Variants in ZNF532 observed in about 807,000 individuals in gnomAD.
The protein encoded by ZNF532 is zinc finger protein 532.
A neutral mutation model predicts 89.3 loss-of-function variants in ZNF532; 22 were observed. The observed-to-expected ratio is 0.25, with a 90% CI of 0.18 to 0.35. ZNF532 has a LOEUF of 0.35. Among genes scored for constraint, ZNF532 ranks in the 10% least tolerant of loss-of-function variants. ZNF532 has a pLI of 1.00. For missense variants in ZNF532, 1,132 were observed against 1,643.4 expected (o/e 0.69, Z 5.38); for synonymous variants, 606 against 649.6 (o/e 0.93, Z 1.02).
At chr18:58,955,192 G>T (rs971777337) in intron 7 of ZNF532, among the ~76,000 whole-genome samples, 2 of 152,192 alleles carry the variant, frequency 1.3e-5, no homozygotes, top group African/African-American at 4.8e-5. Flanking sequence ...AGGAGTTCCA[G>T]GGTGCAGTGA....
chr18:58,944,233 G>A (rs1207360030), intron 5 of ZNF532, among the ~76,000 whole-genome samples: 2 of 152,150 alleles, frequency 1.3e-5, no homozygotes, highest in Non-Finnish European at 2.9e-5. Context: ...TTATTTATTT[G>A]TTGTGACACC....
chr18:58,895,910 G>A (rs1275533359), intron 2 of ZNF532, among the ~76,000 whole-genome samples: 1 of 151,544 alleles, frequency 6.6e-6, no homozygotes, highest in Non-Finnish European at 1.5e-5. Flanking sequence ...TACTGCAGTG[G>A]CATGATCATA....
Position 58,938,594 on chromosome 18 carries a change from C to T in ZNF532, c.2529-851C>T, listed in dbSNP as rs373396926. On this transcript the variant is annotated intron_variant, in intron 4 of 9. Coordinates refer to ENST00000591808, the MANE Select transcript of ZNF532 (RefSeq NM_001375912.1). ...AATTTATTTTCTAGGAGACAAAACACCTAGGTGGTTGACCTTCTCTATCCT... is the reference window on the plus strand; with the variant it reads ...AATTTATTTTCTAGGAGACAAAACATCTAGGTGGTTGACCTTCTCTATCCT... Among the ~76,000 whole-genome samples, 19 of 152,316 alleles carry T rather than the reference C, an allele frequency of 1.2e-4. No individual in the cohort carries two copies. In the South Asian group the frequency reaches 3.9e-3, roughly 32 times the overall value.
At chr18:58,947,461 G>A (rs543170201) in intron 5 of ZNF532, among the ~76,000 whole-genome samples, 2 of 152,300 alleles carry the variant, frequency 1.3e-5, no homozygotes, top group South Asian at 2.1e-4. Flanking sequence ...CATTTAAAGC[G>A]TAAGAAACAT....
Position 58,956,513 on chromosome 18 carries a change from C to A in ZNF532, c.3150+2714C>A, listed in dbSNP as rs75391742. 5.1e-3 allele frequency among the ~76,000 whole-genome samples: 773 copies of A among 152,286 alleles called. 7 individuals are homozygous for A. Among genetic ancestry groups the A allele is most frequent in the African/African-American group, 0.017 (703 of 41,568 alleles). ...GCACCCACTTCCAAACACCCCTCTA[C>A]AAGCATCTTATATCTATCTCCATTC... On this transcript the variant is annotated intron_variant, in intron 7 of 9. Coordinates refer to ENST00000591808, the MANE Select transcript of ZNF532 (RefSeq NM_001375912.1).
intron 6 of ZNF532, 106 bp downstream of exon 6, chr18:58,948,335 G>A: frequency 7.7e-6 from 9 of 1,165,192 alleles, no homozygotes; most frequent in Non-Finnish European, 9.7e-6. Context: ...CACTGTCGAG[G>A]GAAGGGATGG....
intron 2 of ZNF532, among the ~76,000 whole-genome samples, chr18:58,888,867 TA>T (rs1356024099): frequency 1.3e-4 from 6 of 45,228 alleles, no homozygotes; most frequent in Admixed American, 1.2e-3. Context: ...TATATATATA[TA>T]ATATATATTA....
chr18:58,884,840 TG>T (rs2058173455), intron 2 of ZNF532, among the ~76,000 whole-genome samples: 1 of 152,212 alleles, frequency 6.6e-6, no homozygotes, highest in Non-Finnish European at 1.5e-5. Flanking sequence ...TTTCTCATTG[TG>T]AAGCTATTTG....
chr18:58,984,502 T>A lies in ZNF532; in HGVS notation c.*36T>A. On this transcript the variant is annotated 3_prime_UTR_variant, in exon 10 of 10. Coordinates refer to ENST00000591808, the MANE Select transcript of ZNF532 (RefSeq NM_001375912.1). ...TCCATGAGGAAAATCCCTGTCCACA[T>A]TGGAATAAAAAAGACATTTTTGTTA... The A allele has an allele frequency of 1.9e-6, 3 of 1,579,850 alleles. No homozygotes were observed. The highest frequency in any genetic ancestry group is 2.6e-6 in the Non-Finnish European group (3 of 1,164,674).
intron 4 of ZNF532, among the ~76,000 whole-genome samples, chr18:58,937,987 A>C (rs1347272381): frequency 6.6e-6 from 1 of 152,244 alleles, no homozygotes; most frequent in Non-Finnish European, 1.5e-5. Flanking sequence ...GCCTTCAGTC[A>C]CTGGAAATGC....
At chr18:58,942,122 A>G (rs1271846579) in intron 5 of ZNF532, among the ~76,000 whole-genome samples, 1 of 147,558 alleles carries the variant, frequency 6.8e-6, no homozygotes, top group Non-Finnish European at 1.5e-5. Context: ...TCCCGAGTTC[A>G]AGCCATTCTC....
At chr18:58,929,360 C>T (rs1019892544) in intron 3 of ZNF532, among the ~76,000 whole-genome samples, 2 of 152,200 alleles carry the variant, frequency 1.3e-5, no homozygotes, top group African/African-American at 2.4e-5. Flanking sequence ...AACATACTAA[C>T]TGTATTCTCG....
intron 2 of ZNF532, among the ~76,000 whole-genome samples, chr18:58,877,482 CAATA>C (rs2057524422): frequency 6.6e-6 from 1 of 152,186 alleles, no homozygotes; most frequent in South Asian, 2.1e-4. Context: ...TCAGCTATAG[CAATA>C]AATAAATGTC....
At chr18:58,903,419 G>A (rs1028432859) in intron 2 of ZNF532, among the ~76,000 whole-genome samples, 1 of 152,040 alleles carries the variant, frequency 6.6e-6, no homozygotes, top group African/African-American at 2.4e-5. Flanking sequence ...TTTAATAGGA[G>A]GAGTGATAGC....
At chr18:58,878,659 C>CAGTA (rs2144842759) in intron 2 of ZNF532, among the ~76,000 whole-genome samples, 1 of 152,348 alleles carries the variant, frequency 6.6e-6, no homozygotes, top group Admixed American at 6.5e-5. Flanking sequence ...TTGGGAGAGG[C>CAGTA]AGTAGCTCCT....
intron 2 of ZNF532, among the ~76,000 whole-genome samples, chr18:58,880,905 A>C (rs546163411): frequency 2.6e-5 from 4 of 152,206 alleles, no homozygotes; most frequent in African/African-American, 9.6e-5. Context: ...TAATACTGTG[A>C]TTAGGCTTTA....
At chr18:58,941,955 C>T (rs548541569) in intron 5 of ZNF532, among the ~76,000 whole-genome samples, 56 of 133,128 alleles carry the variant, frequency 4.2e-4, no homozygotes, top group Non-Finnish European at 7.9e-4. Flanking sequence ...TCCTTTCCTC[C>T]CTCCCTCTCT....
intron 4 of ZNF532, among the ~76,000 whole-genome samples, chr18:58,935,160 A>C (rs530374179): frequency 0.033 from 78 of 2,382 alleles, no homozygotes; most frequent in Non-Finnish European, 0.045. Context: ...CCTCCTCCCC[A>C]CTCCTCCTCC....
At chr18:58,868,426 G>T (rs180740652) in intron 2 of ZNF532, among the ~76,000 whole-genome samples, 213 of 152,282 alleles carry the variant, frequency 1.4e-3, no homozygotes, top group African/African-American at 4.7e-3. Flanking sequence ...CACCACGGGC[G>T]AAGCAGAACA....
Sources: allele counts gnomAD v4.1 joint callset (sites outside exome capture counted in the v4.1 genomes callset), GRCh38; gene constraint gnomAD v4.1.1; transcripts MANE v1.5; gene names NCBI Gene and HGNC (gene_info 2026-07-23, HGNC 2026-07-21).